Variants in WWP2 observed in about 807,000 individuals in gnomAD.
WWP2 encodes the protein NEDD4-like E3 ubiquitin-protein ligase WWP2.
In WWP2, 57 loss-of-function variants were observed where a neutral mutation model predicts 121.0. The observed-to-expected ratio is 0.47, with a 90% CI of 0.38 to 0.59. The LOEUF is 0.59. Among genes scored for constraint, WWP2 ranks in the 20% least tolerant of loss-of-function variants. The pLI is 0.00. For missense variants in WWP2, 962 were observed against 1,158.9 expected, an observed-to-expected ratio of 0.83 and a Z score of 2.47; for synonymous variants, 449 against 441.3, an observed-to-expected ratio of 1.02 and a Z score of -0.22.
intron 6 of WWP2, among the ~76,000 whole-genome samples, chr16:69,862,397 G>A (rs1375602676): frequency 6.7e-6 from 1 of 149,898 alleles, no homozygotes; most frequent in African/African-American, 2.5e-5. Context: ...GAGTCTCGCT[G>A]TGTCACCTAG....
chr16:69,864,695 G>T (rs1032799066), intron 6 of WWP2, among the ~76,000 whole-genome samples: 1 of 149,010 alleles, frequency 6.7e-6, no homozygotes, highest in Non-Finnish European at 1.5e-5. Flanking sequence ...GATTACAGGC[G>T]CCAGCCACTA....
chr16:69,823,873 C>T (rs183355690), intron 4 of WWP2, among the ~76,000 whole-genome samples: 1 of 152,332 alleles, frequency 6.6e-6, no homozygotes, highest in East Asian at 1.9e-4. Context: ...AAACTTCTTC[C>T]ATTCCTCTTG....
chr16:69,917,955 C>T, intron 10 of WWP2, 72 bp downstream of exon 10: 2 of 1,540,486 alleles, frequency 1.3e-6, no homozygotes, highest in Non-Finnish European at 8.8e-7. Context: ...CACGTGTTCT[C>T]TGTTGACCTG....
At chr16:69,858,486 A>C (rs1052396278) in intron 6 of WWP2, among the ~76,000 whole-genome samples, 6 of 151,932 alleles carry the variant, frequency 3.9e-5, no homozygotes, top group African/African-American at 1.5e-4. Flanking sequence ...GAGATGCGAT[A>C]ATTTGAGGAC....
intron 4 of WWP2, among the ~76,000 whole-genome samples, chr16:69,810,864 C>T (rs146860803): frequency 2.0e-5 from 3 of 151,848 alleles, no homozygotes; most frequent in African/African-American, 7.3e-5. Flanking sequence ...AGGCAATTCT[C>T]CTGCCTCAGT....
rs1325568485 is a variant in WWP2 at position 69,925,624 on chromosome 16, C to A, written c.1234+140C>A. 3.4e-6 allele frequency: 4 copies of A among 1,179,974 alleles called. No homozygotes were observed. The highest frequency in any genetic ancestry group is 3.0e-4 in the Middle Eastern group (1 of 3,356). The allele number at this position is 1,179,974 out of a possible 1,614,324, so 73.1% of individuals were successfully genotyped here. A position where few individuals can be genotyped will look rare whatever the true frequency, so the allele number is the denominator to read the frequency against. ...CTCTCCAGCACACTCTCTGGGCATG[C>A]CCCACCAGAGCAATTACAGGTGATG... is the stretch of plus-strand genomic sequence containing the variant. On this transcript the variant is annotated intron_variant, in intron 11 of 23. Coordinates refer to ENST00000359154, the MANE Select transcript of WWP2 (RefSeq NM_001270454.2). This position sits in a 1 kb window ranked among gnomAD's most constrained non-coding sequence, Gnocchi z 4.0.
intron 19 of WWP2, 154 bp downstream of exon 19, chr16:69,936,606 G>A: frequency 8.9e-7 from 1 of 1,120,588 alleles, no homozygotes; most frequent in Non-Finnish European, 1.2e-6. Flanking sequence ...GTCATGTGAT[G>A]GCGCGAGCTG....
chr16:69,851,766 G>A (rs1470821613), intron 6 of WWP2, among the ~76,000 whole-genome samples: 3 of 152,014 alleles, frequency 2.0e-5, no homozygotes, highest in Non-Finnish European at 4.4e-5. Flanking sequence ...ATATCGCAAG[G>A]TCAAGAGATC....
chr16:69,816,321 G>A (rs1255003550), intron 4 of WWP2, among the ~76,000 whole-genome samples: 3 of 151,366 alleles, frequency 2.0e-5, no homozygotes, highest in African/African-American at 4.9e-5. Flanking sequence ...AGTGGCTCAC[G>A]CTTGTAATTT....
At chr16:69,915,947 G>A (rs1235213878) in intron 9 of WWP2, among the ~76,000 whole-genome samples, 1 of 151,802 alleles carries the variant, frequency 6.6e-6, no homozygotes, top group African/African-American at 2.4e-5. Flanking sequence ...GCTAAGGTGG[G>A]AGGATCACTT....
intron 4 of WWP2, chr16:69,838,657 TG>T: frequency 1.1e-6 from 1 of 910,826 alleles, no homozygotes; most frequent in Non-Finnish European, 1.3e-6. Context: ...AAGAGGTGGC[TG>T]GGGGTTGAAA....
At chr16:69,902,075 C>A (rs543884948) in intron 8 of WWP2, among the ~76,000 whole-genome samples, 6 of 152,326 alleles carry the variant, frequency 3.9e-5, no homozygotes, top group Middle Eastern at 3.4e-3. Context: ...ACAGGTGAAT[C>A]TGACCAAGAA....
chr16:69,853,965 A>T (rs925498476), intron 6 of WWP2, among the ~76,000 whole-genome samples: 2 of 152,168 alleles, frequency 1.3e-5, no homozygotes, highest in African/African-American at 4.8e-5. Context: ...GGGCAGAGTC[A>T]TTTCTCTGAA....
chr16:69,864,951 C>T (rs2057492962), intron 6 of WWP2, among the ~76,000 whole-genome samples: 1 of 151,744 alleles, frequency 6.6e-6, no homozygotes, highest in African/African-American at 2.4e-5. Flanking sequence ...GTAATGATAT[C>T]TCATTGTAGT....
chr16:69,930,102 C>T, intron 12 of WWP2, 28 bp from the exon 13 acceptor site: 1 of 1,613,736 alleles, frequency 6.2e-7, no homozygotes. Context: ...GGGGCCAGCC[C>T]TTCACCCTTT....
At chr16:69,882,042 A>G (rs545780322) in intron 7 of WWP2, among the ~76,000 whole-genome samples, 22 of 151,146 alleles carry the variant, frequency 1.5e-4, no homozygotes, top group Middle Eastern at 3.4e-3. Flanking sequence ...CTGGTCTCGA[A>G]CTCCTGGCTT....
intron 8 of WWP2, among the ~76,000 whole-genome samples, chr16:69,895,686 G>A (rs933362539): frequency 8.5e-5 from 13 of 152,260 alleles, no homozygotes; most frequent in South Asian, 4.2e-4. Context: ...CATAAGTCCC[G>A]GAAGTCGAGC....
intron 2 of WWP2, among the ~76,000 whole-genome samples, chr16:69,792,440 G>A (rs2055932995): frequency 6.6e-6 from 1 of 150,954 alleles, no homozygotes; most frequent in South Asian, 2.1e-4. Flanking sequence ...CTCACATAAA[G>A]TCGTGACTCT....
chr16:69,885,659 A>G (rs1402745495), intron 7 of WWP2, among the ~76,000 whole-genome samples: 2 of 152,178 alleles, frequency 1.3e-5, no homozygotes, highest in Middle Eastern at 3.2e-3. Context: ...GCATAGTGAC[A>G]AGTGGTTTAG....
Sources: gnomAD v4.1 joint callset for allele counts (sites outside exome capture counted in the v4.1 genomes callset) on GRCh38, gnomAD v4.1.1 for gene constraint, Gnocchi (gnomAD v3.1) non-coding constraint, MANE v1.5 for transcripts, NCBI Gene and HGNC (gene_info 2026-07-23, HGNC 2026-07-21) for gene names.